Variants in XXYLT1 observed in about 807,000 individuals in gnomAD.
The protein encoded by XXYLT1 is UDP-xylose:alpha-xyloside alpha-1,3-xylosyltransferase.
Under a neutral mutation model 28.9 loss-of-function variants are expected in XXYLT1, and 20 were observed. The ratio of observed to expected loss-of-function variants is 0.69; its 90% CI spans 0.49 to 1.00. XXYLT1 has a LOEUF of 1.00. Ranked by LOEUF, XXYLT1 falls within the 50% of genes least tolerant of loss-of-function variation. XXYLT1 has a pLI of 0.00. For synonymous variants in XXYLT1, 257 were observed against 253.8 expected (o/e 1.01, Z -0.12); for missense variants, 542 against 560.1 (o/e 0.97, Z 0.33).
At chr3:195,151,987 T>A (rs1488322169) in intron 3 of XXYLT1, among the ~76,000 whole-genome samples, 1 of 152,186 alleles carries the variant, frequency 6.6e-6, no homozygotes, top group African/African-American at 2.4e-5. Context: ...CCAGTAATTC[T>A]CTGTGTTAGA....
intron 3 of XXYLT1, among the ~76,000 whole-genome samples, chr3:195,135,808 A>G (rs532555163): frequency 5.9e-5 from 9 of 152,186 alleles, no homozygotes; most frequent in Non-Finnish European, 1.3e-4. Context: ...GGACGGATGG[A>G]CAGACGGGGA....
intron 3 of XXYLT1, among the ~76,000 whole-genome samples, chr3:195,145,194 C>T (rs1310816259): frequency 6.6e-6 from 1 of 152,216 alleles, no homozygotes; most frequent in East Asian, 1.9e-4. Flanking sequence ...AGAGACTGGG[C>T]TTGATTTTAT....
chr3:195,141,795 A>G (rs1719507978), intron 3 of XXYLT1, among the ~76,000 whole-genome samples: 2 of 152,152 alleles, frequency 1.3e-5, no homozygotes. Context: ...TACCCCTCAC[A>G]CTTTAGTTAG....
At position 195,071,499 on chromosome 3, in the gene XXYLT1, G is replaced by A. The variant is rs1396260269; in HGVS notation, c.786-1388C>T. On this transcript the variant is annotated intron_variant, in intron 3 of 3. Transcript: ENST00000310380. ...GCCAAGAGTCTGATCCTGGCGAGGG[G>A]GAAGCATTCCCTCCGGACATTCTTA... Among the ~76,000 whole-genome samples, 3 of 152,174 alleles carry A rather than the reference G, an allele frequency of 2.0e-5. No homozygotes were observed. The East Asian group carries it at 5.8e-4, about 29-fold the overall frequency.
intron 3 of XXYLT1, among the ~76,000 whole-genome samples, chr3:195,101,173 G>A (rs952483): frequency 0.077 from 11,668 of 152,316 alleles, 1,471 homozygotes; most frequent in African/African-American, 0.27. Flanking sequence ...CTTCAGAGCC[G>A]CCAGGCCTCT....
chr3:195,264,677 G>A (rs569093295), intron 1 of XXYLT1, among the ~76,000 whole-genome samples: 68 of 152,296 alleles, frequency 4.5e-4, no homozygotes, highest in African/African-American at 1.5e-3. Context: ...TCTGTTCCCT[G>A]CTGTTCACAA....
intron 3 of XXYLT1, among the ~76,000 whole-genome samples, chr3:195,110,916 TGTGTGTG>T (rs1245156797): frequency 9.2e-4 from 14 of 15,298 alleles, no homozygotes; most frequent in African/African-American, 1.7e-3. Context: ...GTGTGGTGTG[TGTGTGTG>T]GTGTGTGTGA....
chr3:195,199,155 C>T (rs552926788), intron 2 of XXYLT1, among the ~76,000 whole-genome samples: 1 of 151,946 alleles, frequency 6.6e-6, no homozygotes, highest in East Asian at 1.9e-4. Context: ...ATGAGCATGG[C>T]CCGCAGGAGA....
chr3:195,262,137 C>T (rs949846362), intron 1 of XXYLT1, among the ~76,000 whole-genome samples: 1 of 152,162 alleles, frequency 6.6e-6, no homozygotes, highest in African/African-American at 2.4e-5. Flanking sequence ...TTTATCCATA[C>T]GATGGAATAG....
In XXYLT1 at chr3:195,073,431, G is replaced by GTATT. The variant is rs528967811; in HGVS notation, c.786-3324_786-3321dup. Among the ~76,000 whole-genome samples the GTATT allele has an allele frequency of 3.2e-3, 485 of 152,246 alleles. 3 individuals carry two copies. The highest frequency in any genetic ancestry group is 5.5e-3 in the Non-Finnish European group (371 of 68,012). ...GCAGGAAACCTTTGTATAAATGCAG[G>GTATT]TATTTGGTTCTGAGTCCTGGAGCAT... On this transcript the variant is annotated intron_variant, in intron 3 of 3. Transcript: ENST00000310380.
intron 1 of XXYLT1, among the ~76,000 whole-genome samples, chr3:195,248,125 C>T (rs1252687820): frequency 6.6e-6 from 1 of 152,156 alleles, no homozygotes. Context: ...CACACACATC[C>T]AGAGGGGTGC....
intron 2 of XXYLT1, among the ~76,000 whole-genome samples, chr3:195,214,132 AG>A (rs1577155513): frequency 1.3e-5 from 2 of 152,170 alleles, no homozygotes; most frequent in East Asian, 3.9e-4. Context: ...CCTGAGGGGT[AG>A]AGAAGACAGC....
In XXYLT1 at chr3:195,109,855, CCTGT is replaced by C. The variant is rs1486709419; in HGVS notation, c.786-39748_786-39745del. Reference sequence around the variant, plus strand: ...TGTGCGTGTGTGTGGTGTATGTGTGCCTGTGTGTGTGGTGTATGTGTGCATGTGT... The same window carrying C: ...TGTGCGTGTGTGTGGTGTATGTGTGCGTGTGTGGTGTATGTGTGCATGTGT... On this transcript the variant is annotated intron_variant, in intron 3 of 3. Transcript: ENST00000310380. Among the ~76,000 whole-genome samples the C allele has an allele frequency of 1.4e-3, 20 of 13,960 alleles. 2 individuals carry two copies. The highest frequency in any genetic ancestry group is 5.3e-3 in the African/African-American group (17 of 3,226). 9.2% of individuals were successfully genotyped at this position (13,960 alleles called of 152,430 possible).
rs140177562 is a variant in XXYLT1, at chr3:195,227,005, G to T, written c.505-149C>A. ...GGGGATGGGGCTAGGGGTAGCAACG[G>T]AGAGTTAAGGAAACGAGAAACAACC... On this transcript the variant is annotated intron_variant, in intron 1 of 3. Coordinates refer to ENST00000310380, the MANE Select transcript of XXYLT1 (RefSeq NM_152531.5). 7.6e-6 allele frequency: 7 copies of T among 926,508 alleles called. No individual in the cohort carries two copies. The African/African-American group carries it at 1.2e-4, about 16-fold the overall frequency. The allele number at this position is 926,508 out of a possible 1,614,324, so 57.4% of individuals were successfully genotyped here.
At chr3:195,161,169 C>A (rs940578465) in intron 2 of XXYLT1, among the ~76,000 whole-genome samples, 6 of 152,194 alleles carry the variant, frequency 3.9e-5, no homozygotes, top group African/African-American at 1.4e-4. Context: ...CATCATGTCT[C>A]CTCGAGGTGG....
At chr3:195,190,394 C>T (rs1375873270) in intron 2 of XXYLT1, among the ~76,000 whole-genome samples, 1 of 147,306 alleles carries the variant, frequency 6.8e-6, no homozygotes, top group Non-Finnish European at 1.5e-5. Context: ...ACACAGGAGG[C>T]TGAGGCAAAA....
chr3:195,212,937 G>T (rs774167271), intron 2 of XXYLT1, among the ~76,000 whole-genome samples: 1 of 152,218 alleles, frequency 6.6e-6, no homozygotes, highest in Non-Finnish European at 1.5e-5. Context: ...CTCCACCCAT[G>T]GTATGCCGCC....
At chr3:195,128,332 G>A (rs569543275) in intron 3 of XXYLT1, among the ~76,000 whole-genome samples, 27 of 152,134 alleles carry the variant, frequency 1.8e-4, no homozygotes, top group East Asian at 1.7e-3. Context: ...AACCCATAGC[G>A]CATTCATCCT....
chr3:195,226,745 A>G lies in XXYLT1; in HGVS notation c.616T>C (p.Phe206Leu). The G allele has an allele frequency of 6.2e-7, 1 of 1,613,766 alleles. No homozygotes were observed. The highest frequency in any genetic ancestry group is 8.5e-7 in the Non-Finnish European group (1 of 1,179,924). ...ATCTGATGCATGGCGACCGAGAGGA[A>G]GAAGATGGAGTCACTGTAGTAGGTT... is the stretch of plus-strand genomic sequence containing the variant. ...LGTYYSDSIFFLSVAMHQIMP... is the reference protein window; with the variant it reads ...LGTYYSDSIFLLSVAMHQIMP... Residue 206 changes from phenylalanine to leucine, a missense_variant, in exon 2 of 4, where the codon TTC becomes CTC. Transcript: ENST00000310380.
Sources: allele counts gnomAD v4.1 joint callset (sites outside exome capture counted in the v4.1 genomes callset), GRCh38; gene constraint gnomAD v4.1.1; transcripts MANE v1.5; gene names NCBI Gene and HGNC (gene_info 2026-07-23, HGNC 2026-07-21).